The following ALK variants were observed in gnomAD, a reference collection of about 807,000 sequenced individuals.
ALK encodes the protein ALK receptor tyrosine kinase.
Under a neutral mutation model 163.1 loss-of-function variants are expected in ALK, and 74 were observed. The ratio of observed to expected loss-of-function variants is 0.45; its 90% confidence interval spans 0.38 to 0.55. The LOEUF (loss-of-function observed/expected upper bound fraction) is 0.55, where lower values mean the gene tolerates loss of function less well. Ranked by LOEUF, ALK falls within the 20% of genes least tolerant of loss-of-function variation. The pLI is 0.00. For synonymous variants in ALK, 960 were observed against 843.2 expected (o/e 1.14, Z -2.40); for missense variants, 2,063 against 2,105.3 (o/e 0.98, Z 0.39).
intron 4 of ALK, among the ~76,000 whole-genome samples, chr2:29,405,143 G>A (rs1267643791): frequency 6.6e-6 from 1 of 152,304 alleles, no homozygotes; most frequent in Non-Finnish European, 1.5e-5. Flanking sequence ...TCCTCGCTAA[G>A]CATCTGCCAC....
intron 4 of ALK, 64 bp from the exon 5 acceptor site, chr2:29,383,923 A>T (rs966750109): frequency 1.9e-6 from 3 of 1,590,426 alleles, no homozygotes; most frequent in East Asian, 4.5e-5. Flanking sequence ...TAGGCCTAAC[A>T]TGTGGACAGG....
intron 4 of ALK, among the ~76,000 whole-genome samples, chr2:29,406,111 G>C (rs1312465719): frequency 6.6e-6 from 1 of 152,214 alleles, no homozygotes; most frequent in Non-Finnish European, 1.5e-5. Flanking sequence ...AATAATTGCA[G>C]AGCCGACAAG....
At chr2:29,200,591 AC>A (rs1669132420) in intron 26 of ALK, among the ~76,000 whole-genome samples, 1 of 151,454 alleles carries the variant, frequency 6.6e-6, no homozygotes, top group Non-Finnish European at 1.5e-5. Context: ...TTATCTAGAA[AC>A]CCTACAGATG....
At chr2:29,460,777 G>C (rs1671066534) in intron 4 of ALK, among the ~76,000 whole-genome samples, 1 of 152,040 alleles carries the variant, frequency 6.6e-6, no homozygotes, top group African/African-American at 2.4e-5. Flanking sequence ...CCAATTACTA[G>C]CCCTACAATG....
At chr2:29,694,822 A>G in intron 3 of ALK, 28 bp downstream of exon 3, 6 of 1,612,910 alleles carry the variant, frequency 3.7e-6, no homozygotes, top group Non-Finnish European at 5.1e-6. Flanking sequence ...TGACCCACCC[A>G]GGACATCACC....
rs144921080 is a variant in ALK at position 29,647,701 on chromosome 2, G to A, written c.952+47149C>T. ...TTGAATGCCCCTTTTCACACAAACC[G>A]TCAAGGGCTTCCTATTGCTCAGAGA... On this transcript the variant is annotated intron_variant, in intron 3 of 28. Coordinates refer to ENST00000389048, the MANE Select transcript of ALK (RefSeq NM_004304.5). Among the ~76,000 whole-genome samples, 16 of 150,992 alleles carry A rather than the reference G, an allele frequency of 1.1e-4. No homozygotes were observed. The East Asian group carries it at 2.1e-3, about 20-fold the overall frequency.
At chr2:29,318,611 G>T (rs930140991) in intron 7 of ALK, among the ~76,000 whole-genome samples, 1 of 149,654 alleles carries the variant, frequency 6.7e-6, no homozygotes, top group African/African-American at 2.5e-5. Context: ...CTGTAGCTCA[G>T]ACCGGAGTGC....
intron 4 of ALK, among the ~76,000 whole-genome samples, chr2:29,458,016 G>A (rs911298572): frequency 9.9e-5 from 15 of 152,088 alleles, no homozygotes; most frequent in South Asian, 4.1e-4. Context: ...AAAGCTTACC[G>A]GTGTGCTTAG....
chr2:29,655,935 T>A (rs1379178463), intron 3 of ALK, among the ~76,000 whole-genome samples: 1 of 152,192 alleles, frequency 6.6e-6, no homozygotes. Context: ...GGAGAAGAGC[T>A]GCTGTGCTAC....
At chr2:29,719,764 C>T (rs1679371831) in intron 1 of ALK, among the ~76,000 whole-genome samples, 1 of 152,168 alleles carries the variant, frequency 6.6e-6, no homozygotes, top group Admixed American at 6.5e-5. Flanking sequence ...CCTTTCACCA[C>T]TCTGCACAGG....
intron 1 of ALK, among the ~76,000 whole-genome samples, chr2:29,833,961 C>A (rs1665490131): frequency 6.6e-6 from 1 of 152,192 alleles, no homozygotes; most frequent in Non-Finnish European, 1.5e-5. Flanking sequence ...CCCAACCCAG[C>A]CCTCATTATC....
At chr2:29,664,604 A>G (rs890841392) in intron 3 of ALK, among the ~76,000 whole-genome samples, 10 of 152,128 alleles carry the variant, frequency 6.6e-5, no homozygotes, top group Middle Eastern at 3.2e-3. Context: ...TGTCTGCCCA[A>G]TAAAGTCTGG....
intron 4 of ALK, among the ~76,000 whole-genome samples, chr2:29,385,691 C>T (rs1030703503): frequency 1.3e-5 from 2 of 152,286 alleles, no homozygotes; most frequent in East Asian, 3.9e-4. Context: ...GCATCAAGCC[C>T]AACCTGTCCA....
chr2:29,563,916 A>G (rs1459390324), intron 3 of ALK, among the ~76,000 whole-genome samples: 1 of 151,984 alleles, frequency 6.6e-6, no homozygotes, highest in Admixed American at 6.6e-5. Flanking sequence ...ACCCTTTTAG[A>G]CTCCTGCTGA....
At chr2:29,484,891 T>A (rs1319162821) in intron 4 of ALK, among the ~76,000 whole-genome samples, 1 of 152,204 alleles carries the variant, frequency 6.6e-6, no homozygotes, top group Non-Finnish European at 1.5e-5. Context: ...TTGTTGTTGC[T>A]AATGACAGGT....
intron 4 of ALK, among the ~76,000 whole-genome samples, chr2:29,436,994 T>G (rs993723454): frequency 6.6e-6 from 1 of 152,128 alleles, no homozygotes; most frequent in Non-Finnish European, 1.5e-5. Flanking sequence ...CTACAACCAG[T>G]CCCAGGATTT....
chr2:29,686,499 A>G (rs528592871), intron 3 of ALK, among the ~76,000 whole-genome samples: 9 of 152,344 alleles, frequency 5.9e-5, no homozygotes, highest in Non-Finnish European at 1.3e-4. Context: ...GCCTTGCCTT[A>G]GAGCAGGAAA....
At chr2:29,651,520 C>A (rs1305310513) in intron 3 of ALK, among the ~76,000 whole-genome samples, 1 of 152,128 alleles carries the variant, frequency 6.6e-6, no homozygotes, top group Non-Finnish European at 1.5e-5. Context: ...GAATAAGAAC[C>A]TAAAAAGATC....
chr2:29,408,606 CT>C (rs1178576922), intron 4 of ALK, among the ~76,000 whole-genome samples: 1 of 152,214 alleles, frequency 6.6e-6, no homozygotes, highest in African/African-American at 2.4e-5. Context: ...TTTTATTTCT[CT>C]TTTAAAAGAG....
Sources: gnomAD v4.1 joint callset for allele counts (sites outside exome capture counted in the v4.1 genomes callset) on GRCh38, gnomAD v4.1.1 for gene constraint, MANE v1.5 for transcripts, NCBI Gene and HGNC (gene_info 2026-07-23, HGNC 2026-07-21) for gene names.